The following PIP5K1B variants were observed in gnomAD, a reference collection of about 807,000 sequenced individuals.
PIP5K1B encodes the protein phosphatidylinositol-4-phosphate 5-kinase type 1 beta, also known as phosphatidylinositol 4-phosphate 5-kinase type-1 beta.
In PIP5K1B, 42 loss-of-function variants were observed where a neutral mutation model predicts 67.0. The observed-to-expected ratio is 0.63, with a 90% CI of 0.49 to 0.81. The LOEUF is 0.81. Ranked by LOEUF, PIP5K1B falls within the 30% of genes least tolerant of loss-of-function variation. The pLI, the probability that PIP5K1B is intolerant of heterozygous loss-of-function variation, is 0.00. For missense variants in PIP5K1B, 459 were observed against 646.3 expected (o/e 0.71, Z 3.14); for synonymous variants, 214 against 231.4 (o/e 0.92, Z 0.68).
intron 2 of PIP5K1B, among the ~76,000 whole-genome samples, chr9:68,802,172 G>T (rs1208854820): frequency 1.3e-5 from 2 of 152,184 alleles, no homozygotes; most frequent in East Asian, 3.8e-4. Flanking sequence ...ATATCTTATG[G>T]AAGTATTCGA....
intron 1 of PIP5K1B, among the ~76,000 whole-genome samples, chr9:68,710,152 C>T (rs919613476): frequency 6.6e-6 from 1 of 152,108 alleles, no homozygotes; most frequent in African/African-American, 2.4e-5. Flanking sequence ...TGTAAAACAT[C>T]AAGTCCTAAA....
At chr9:68,979,461 G>T (rs1420580401) in intron 14 of PIP5K1B, among the ~76,000 whole-genome samples, 1 of 114,934 alleles carries the variant, frequency 8.7e-6, no homozygotes, top group African/African-American at 3.1e-5. Context: ...ATCTCATAGC[G>T]ATATACGGTG....
chr9:68,757,690 T>C (rs893478832), intron 2 of PIP5K1B, among the ~76,000 whole-genome samples: 15 of 152,182 alleles, frequency 9.9e-5, no homozygotes, highest in Admixed American at 5.9e-4. Context: ...ATTTTTAATT[T>C]AAAAACTGAT....
At chr9:68,815,418 T>C (rs1040372056) in intron 2 of PIP5K1B, among the ~76,000 whole-genome samples, 3 of 151,928 alleles carry the variant, frequency 2.0e-5, no homozygotes, top group Non-Finnish European at 4.4e-5. Context: ...CTAATGAAAA[T>C]ATGTATATAA....
chr9:68,969,301 G>A (rs1404714055), intron 14 of PIP5K1B, among the ~76,000 whole-genome samples: 1 of 151,166 alleles, frequency 6.6e-6, no homozygotes, highest in Non-Finnish European at 1.5e-5. Flanking sequence ...CCAGGAGCCG[G>A]GGCTTGCAGT....
chr9:68,831,247 A>G (rs1011447676), intron 4 of PIP5K1B, among the ~76,000 whole-genome samples: 1 of 152,230 alleles, frequency 6.6e-6, no homozygotes, highest in Non-Finnish European at 1.5e-5. Flanking sequence ...AATTCAGTGA[A>G]TTGAAGCCTA....
rs572844441 is a variant in PIP5K1B, at chr9:68,941,112, T to G, written c.1502+322T>G. On this transcript the variant is annotated intron_variant, in intron 14 of 15. Transcript: ENST00000265382. ...GTTTCTTCAGAGTGAGCACTCTTAG[T>G]TAATATTACACAGGTAGCTGCAAAG... The G allele has an allele frequency of 2.7e-4, 129 of 482,830 alleles. 1 individual carries two copies. Among genetic ancestry groups the G allele is most frequent in the South Asian group, 1.9e-3 (124 of 65,006 alleles). 29.9% of individuals were successfully genotyped at this position (482,830 alleles called of 1,614,324 possible). A position where few individuals can be genotyped will look rare whatever the true frequency, so the allele number is the denominator to read the frequency against.
At chr9:68,846,950 AG>A (rs1822221128) in intron 4 of PIP5K1B, among the ~76,000 whole-genome samples, 1 of 152,210 alleles carries the variant, frequency 6.6e-6, no homozygotes, top group South Asian at 2.1e-4. Context: ...TTATATATCA[AG>A]AAAAAAACTG....
intron 8 of PIP5K1B, among the ~76,000 whole-genome samples, chr9:68,914,657 G>A (rs922358236): frequency 6.6e-6 from 1 of 152,140 alleles, no homozygotes. Context: ...GGAGCTTGCA[G>A]TGAGCCGAGA....
chr9:68,940,918 G>A (rs534717729), intron 14 of PIP5K1B, 128 bp downstream of exon 14: 17 of 866,456 alleles, frequency 2.0e-5, no homozygotes, highest in South Asian at 5.8e-5. Flanking sequence ...CTCATAGGTC[G>A]GAGAGAGAAC....
At chr9:68,946,975 C>G (rs563843270) in intron 14 of PIP5K1B, among the ~76,000 whole-genome samples, 7 of 152,288 alleles carry the variant, frequency 4.6e-5, no homozygotes, top group African/African-American at 1.7e-4. Flanking sequence ...GCATTTATAC[C>G]TTGTGGCACA....
chr9:68,886,198 T>G (rs1824464238), intron 6 of PIP5K1B, among the ~76,000 whole-genome samples: 1 of 152,006 alleles, frequency 6.6e-6, no homozygotes, highest in Admixed American at 6.6e-5. Flanking sequence ...AAAGAAAAAT[T>G]TAAAGATGAT....
chr9:68,970,241 A>G (rs931640660), intron 14 of PIP5K1B, among the ~76,000 whole-genome samples: 1 of 152,238 alleles, frequency 6.6e-6, no homozygotes, highest in African/African-American at 2.4e-5. Flanking sequence ...TTAAAGGAGC[A>G]TGTGTTTTTC....
chr9:68,938,968 C>T (rs992179736), intron 13 of PIP5K1B, among the ~76,000 whole-genome samples: 2 of 152,206 alleles, frequency 1.3e-5, no homozygotes, highest in African/African-American at 2.4e-5. Flanking sequence ...AATAATCTTC[C>T]CTTTGACTAA....
chr9:68,809,738 C>T (rs574218333), intron 2 of PIP5K1B, among the ~76,000 whole-genome samples: 10 of 152,310 alleles, frequency 6.6e-5, no homozygotes, highest in South Asian at 2.1e-4. Context: ...CCCCAGCAAA[C>T]GGCTCTAAGT....
chr9:68,847,425 G>C (rs1822251470), intron 4 of PIP5K1B, among the ~76,000 whole-genome samples: 1 of 143,874 alleles, frequency 7.0e-6, no homozygotes, highest in Non-Finnish European at 1.5e-5. Flanking sequence ...GTGTGTGTGT[G>C]TGTGTGTGTG....
intron 4 of PIP5K1B, among the ~76,000 whole-genome samples, chr9:68,823,840 G>A (rs892380094): frequency 2.6e-5 from 4 of 152,176 alleles, no homozygotes; most frequent in Non-Finnish European, 1.5e-5. Context: ...ACATATTCAG[G>A]TCATGGAACT....
At chr9:68,931,370 C>T (rs1294322301) in intron 12 of PIP5K1B, among the ~76,000 whole-genome samples, 1 of 152,166 alleles carries the variant, frequency 6.6e-6, no homozygotes, top group Non-Finnish European at 1.5e-5. Context: ...ATGTATCTAG[C>T]ACTACACTAA....
At chr9:68,970,938 A>T (rs1829329689) in intron 14 of PIP5K1B, among the ~76,000 whole-genome samples, 1 of 152,162 alleles carries the variant, frequency 6.6e-6, no homozygotes, top group South Asian at 2.1e-4. Context: ...TGCTTGCTAG[A>T]GTCAAATTTT....
Sources: gnomAD v4.1 joint callset for allele counts (sites outside exome capture counted in the v4.1 genomes callset) on GRCh38, gnomAD v4.1.1 for gene constraint, MANE v1.5 for transcripts, NCBI Gene and HGNC (gene_info 2026-07-23, HGNC 2026-07-21) for gene names.